Variants in IGF2BP3 observed in about 807,000 individuals in gnomAD.
IGF2BP3 encodes the protein insulin-like growth factor 2 mRNA-binding protein 3.
In IGF2BP3, 9 loss-of-function variants were observed where a neutral mutation model predicts 73.8. The ratio of observed to expected loss-of-function variants is 0.12; its 90% confidence interval spans 0.07 to 0.21. IGF2BP3 has a LOEUF of 0.21. Among genes scored for constraint, IGF2BP3 ranks in the 10% least tolerant of loss-of-function variants. The pLI, the probability that IGF2BP3 is intolerant of heterozygous loss-of-function variation, is 1.00. For synonymous variants in IGF2BP3, 258 were observed against 256.7 expected (o/e 1.01, Z -0.05); for missense variants, 542 against 714.0 (o/e 0.76, Z 2.75).
intron 5 of IGF2BP3, among the ~76,000 whole-genome samples, chr7:23,355,416 A>G (rs1248031151): frequency 6.6e-6 from 1 of 151,688 alleles, no homozygotes; most frequent in African/African-American, 2.4e-5. Context: ...TTTTAACTAG[A>G]GACGGGGTTT....
At chr7:23,318,245 C>A (rs1431717921) in intron 11 of IGF2BP3, among the ~76,000 whole-genome samples, 1 of 152,154 alleles carries the variant, frequency 6.6e-6, no homozygotes, top group Non-Finnish European at 1.5e-5. Context: ...TTGTCTGAGG[C>A]AGGGTCTTAC....
chr7:23,401,493 G>A (rs568246750), intron 3 of IGF2BP3, among the ~76,000 whole-genome samples: 6 of 152,300 alleles, frequency 3.9e-5, no homozygotes, highest in Admixed American at 2.0e-4. Context: ...TGCCAGGCAC[G>A]GTGGCTCACG....
chr7:23,362,537 G>A (rs922904309), intron 3 of IGF2BP3: 2 of 152,150 alleles, frequency 1.3e-5, no homozygotes, highest in African/African-American at 4.8e-5. Context: ...CATCTTTCCT[G>A]TAGCTGTATT....
chr7:23,351,691 A>C, intron 5 of IGF2BP3, 105 bp from the exon 6 acceptor site: 1 of 1,236,136 alleles, frequency 8.1e-7, no homozygotes, highest in East Asian at 2.4e-5. Context: ...CTAGCTCTAA[A>C]CTTCTGAGTG....
chr7:23,439,377 AC>A (rs1435670612), intron 2 of IGF2BP3, among the ~76,000 whole-genome samples: 1 of 150,628 alleles, frequency 6.6e-6, no homozygotes, highest in Admixed American at 6.6e-5. Flanking sequence ...ACACGGTGAA[AC>A]CCCACCTACT....
chr7:23,446,368 C>A (rs1371680290), intron 2 of IGF2BP3, among the ~76,000 whole-genome samples: 1 of 152,106 alleles, frequency 6.6e-6, no homozygotes, highest in Non-Finnish European at 1.5e-5. Context: ...TTGAGACCAG[C>A]CTGGCCAACA....
intron 3 of IGF2BP3, chr7:23,394,581 A>C (rs191874865): frequency 6.6e-6 from 1 of 152,344 alleles, no homozygotes; most frequent in Non-Finnish European, 1.5e-5. Context: ...TAAATATTCT[A>C]ACAATATATA....
chr7:23,380,440 G>A (rs1406049993), intron 3 of IGF2BP3, among the ~76,000 whole-genome samples: 1 of 151,978 alleles, frequency 6.6e-6, no homozygotes, highest in East Asian at 1.9e-4. Context: ...TGGGGTTACA[G>A]GCATGAGCCA....
chr7:23,374,767 A>G (rs1017643306), intron 3 of IGF2BP3, among the ~76,000 whole-genome samples: 1 of 152,148 alleles, frequency 6.6e-6, no homozygotes, highest in Admixed American at 6.5e-5. Context: ...GATATTTCAC[A>G]TAGGTTCTTT....
intron 2 of IGF2BP3, among the ~76,000 whole-genome samples, chr7:23,432,006 GAACA>G (rs1378736952): frequency 1.3e-5 from 2 of 152,150 alleles, no homozygotes; most frequent in African/African-American, 4.8e-5. Context: ...ATGAGCAAGG[GAACA>G]AAGTCTCTTT....
intron 3 of IGF2BP3, among the ~76,000 whole-genome samples, chr7:23,406,065 AT>A (rs1308845597): frequency 1.5e-4 from 21 of 140,286 alleles, no homozygotes; most frequent in East Asian, 5.9e-4. Context: ...AAATTTTCTG[AT>A]TAAAAAAAAA....
chr7:23,423,055 G>A (rs1313317505), intron 2 of IGF2BP3, among the ~76,000 whole-genome samples: 4 of 152,252 alleles, frequency 2.6e-5, no homozygotes, highest in African/African-American at 7.2e-5. Flanking sequence ...GATTGCAGGC[G>A]TGAGCCGCTG....
chr7:23,402,761 A>G (rs956232316), intron 3 of IGF2BP3: 1 of 152,244 alleles, frequency 6.6e-6, no homozygotes, highest in Non-Finnish European at 1.5e-5. Flanking sequence ...TTTCATTGTA[A>G]TAATTTATTT....
At chr7:23,343,891 A>C in intron 8 of IGF2BP3, 38 bp from the exon 9 acceptor site, 1 of 1,596,254 alleles carries the variant, frequency 6.3e-7, no homozygotes, top group Non-Finnish European at 8.5e-7. Context: ...AAAGAATGAA[A>C]ATTGGAGGAA....
chr7:23,455,109 G>A (rs1307030614), intron 2 of IGF2BP3, among the ~76,000 whole-genome samples: 1 of 152,162 alleles, frequency 6.6e-6, no homozygotes, highest in Non-Finnish European at 1.5e-5. Context: ...ATTAACCTAG[G>A]CATCAGTCTT....
intron 8 of IGF2BP3, 48 bp downstream of exon 8, chr7:23,345,891 GC>G: frequency 6.3e-7 from 1 of 1,593,788 alleles, no homozygotes; most frequent in Non-Finnish European, 8.5e-7. Context: ...ACAACATGCA[GC>G]TTACAGTGTT....
intron 2 of IGF2BP3, among the ~76,000 whole-genome samples, chr7:23,459,143 G>A (rs1221739722): frequency 6.6e-6 from 1 of 152,194 alleles, no homozygotes; most frequent in East Asian, 1.9e-4. Context: ...CAAAGGACTT[G>A]CATAGACAGC....
At chr7:23,410,661 A>G (rs1352744469) in intron 3 of IGF2BP3, among the ~76,000 whole-genome samples, 2 of 152,182 alleles carry the variant, frequency 1.3e-5, no homozygotes, top group Non-Finnish European at 2.9e-5. Context: ...GAACTTTACT[A>G]ATAACTTCCC....
chr7:23,466,596 T>C (rs1456012749), intron 2 of IGF2BP3, among the ~76,000 whole-genome samples: 1 of 152,254 alleles, frequency 6.6e-6, no homozygotes, highest in African/African-American at 2.4e-5. Flanking sequence ...TTACCTTATG[T>C]GCTTTCCTAA....
Sources: allele counts gnomAD v4.1 joint callset (sites outside exome capture counted in the v4.1 genomes callset), GRCh38; gene constraint gnomAD v4.1.1; transcripts MANE v1.5; gene names NCBI Gene and HGNC (gene_info 2026-07-23, HGNC 2026-07-21).